The following TENM4 variants were observed in gnomAD, a reference collection of about 807,000 sequenced individuals.
TENM4 encodes teneurin transmembrane protein 4, also known as teneurin-4.
Under a neutral mutation model 243.3 loss-of-function variants are expected in TENM4, and 82 were observed. The observed-to-expected ratio is 0.34, with a 90% CI of 0.28 to 0.40. The LOEUF is 0.40. Among genes scored for constraint, TENM4 ranks in the 10% least tolerant of loss-of-function variants. The pLI, the probability that TENM4 is intolerant of heterozygous loss-of-function variation, is 1.00. For missense variants in TENM4, 3,138 were observed against 3,673.3 expected (o/e 0.85, Z 3.77); for synonymous variants, 1,412 against 1,456.3 (o/e 0.97, Z 0.69).
In TENM4 at chr11:78,805,282, C is replaced by CCCCCCCCCAACCCCCCCCCCCCCTTT; in HGVS notation, c.2179+9_2179+10insAAAGGGGGGGGGGGGGTTGGGGGGGG. 1 of 995,568 alleles carries CCCCCCCCCAACCCCCCCCCCCCCTTT rather than the reference C, an allele frequency of 1.0e-6. No homozygotes were observed. The highest frequency in any genetic ancestry group is 3.2e-5 in the South Asian group (1 of 30,968). 61.7% of individuals were successfully genotyped at this position (995,568 alleles called of 1,614,324 possible). ...CCCTCTACCCATGCTTCTTCTCCCC[C>CCCCCCCCCAACCCCCCCCCCCCCTTT]TGCATTTACCGATAGAACAGTCGTG... On this transcript the variant is annotated intron_variant, in intron 15 of 33. Coordinates refer to ENST00000278550, the MANE Select transcript of TENM4 (RefSeq NM_001098816.3).
At chr11:78,967,554 C>T (rs1376216573) in intron 6 of TENM4, among the ~76,000 whole-genome samples, 1 of 152,184 alleles carries the variant, frequency 6.6e-6, no homozygotes, top group African/African-American at 2.4e-5. Flanking sequence ...GATCTCCTTT[C>T]TAATTGGCTC....
intron 6 of TENM4, among the ~76,000 whole-genome samples, chr11:78,924,168 T>C (rs558408193): frequency 6.6e-6 from 1 of 152,354 alleles, no homozygotes; most frequent in South Asian, 2.1e-4. Flanking sequence ...TCTTTGTTTT[T>C]AATACTGAGC....
intron 1 of TENM4, among the ~76,000 whole-genome samples, chr11:79,357,940 G>A (rs1013686985): frequency 1.3e-5 from 2 of 152,152 alleles, no homozygotes; most frequent in East Asian, 1.9e-4. Flanking sequence ...CAGCTCAAGT[G>A]TATCACTATG....
intron 2 of TENM4, among the ~76,000 whole-genome samples, chr11:79,231,805 G>A (rs1864378672): frequency 6.6e-6 from 1 of 152,182 alleles, no homozygotes; most frequent in Non-Finnish European, 1.5e-5. Flanking sequence ...GGGGCCAGGC[G>A]TGATGGCTCA....
Position 79,393,816 on chromosome 11 carries a change from C to T in TENM4, c.-321+46693G>A, listed in dbSNP as rs181642505. 4.4e-3 allele frequency among the ~76,000 whole-genome samples: 663 copies of T among 152,264 alleles called. 3 individuals are homozygous for T. The highest frequency in any genetic ancestry group is 0.015 in the African/African-American group (626 of 41,548). On this transcript the variant is annotated intron_variant, in intron 1 of 33. Coordinates refer to ENST00000278550, the MANE Select transcript of TENM4 (RefSeq NM_001098816.3). ...AGGATGCAGTGCGTGCTACAGTCAGCAGGAGTCTGGACTTTGCCCTGGGGC... is the reference window on the plus strand; with the variant it reads ...AGGATGCAGTGCGTGCTACAGTCAGTAGGAGTCTGGACTTTGCCCTGGGGC...
chr11:79,290,974 T>G (rs1856346714), intron 2 of TENM4, among the ~76,000 whole-genome samples: 1 of 152,084 alleles, frequency 6.6e-6, no homozygotes, highest in Middle Eastern at 3.2e-3. Context: ...AGGCAGGCAA[T>G]GAAGCATGCT....
chr11:78,811,758 C>G (rs1159046029), intron 14 of TENM4, among the ~76,000 whole-genome samples: 5 of 152,232 alleles, frequency 3.3e-5, no homozygotes, highest in Non-Finnish European at 5.9e-5. Context: ...CTGCTGTCTA[C>G]TAGCCATGTG....
chr11:79,052,270 AC>A (rs1434761130), intron 6 of TENM4, among the ~76,000 whole-genome samples: 1 of 152,194 alleles, frequency 6.6e-6, no homozygotes, highest in Non-Finnish European at 1.5e-5. Flanking sequence ...TTCTCTGTAA[AC>A]TTGCCAGCAT....
intron 1 of TENM4, among the ~76,000 whole-genome samples, chr11:79,349,322 A>C (rs904542371): frequency 6.6e-6 from 1 of 152,228 alleles, no homozygotes; most frequent in Middle Eastern, 3.2e-3. Context: ...CCAAATAGAA[A>C]AAAAAGATTT....
intron 33 of TENM4, among the ~76,000 whole-genome samples, chr11:78,660,568 A>G (rs2096383192): frequency 6.6e-6 from 1 of 152,162 alleles, no homozygotes; most frequent in Non-Finnish European, 1.5e-5. Flanking sequence ...TGGAGTAAGA[A>G]ATATGGATAT....
rs1176918536 is a variant in TENM4 at position 78,654,061 on chromosome 11, T to C, written c.*3997A>G. 1 of 152,214 alleles carries C rather than the reference T, an allele frequency of 6.6e-6. No individual in the cohort carries two copies. The highest frequency in any genetic ancestry group is 1.9e-4 in the East Asian group (1 of 5,198). 9.4% of individuals were successfully genotyped at this position (152,214 alleles called of 1,614,324 possible). On this transcript the variant is annotated 3_prime_UTR_variant, in exon 34 of 34. Coordinates refer to ENST00000278550, the MANE Select transcript of TENM4 (RefSeq NM_001098816.3). ...TTTAATTCCCTTTCCTCCAGTAAAA[T>C]ATAGACAAGTGTATAAACCTAGCTG... is the stretch of plus-strand genomic sequence containing the variant.
At chr11:78,964,484 T>C (rs917768463) in intron 6 of TENM4, among the ~76,000 whole-genome samples, 5 of 152,158 alleles carry the variant, frequency 3.3e-5, no homozygotes, top group Admixed American at 3.3e-4. Flanking sequence ...ATGACCAAGG[T>C]ACAACCTCTG....
intron 3 of TENM4, among the ~76,000 whole-genome samples, chr11:79,204,779 A>G (rs989219755): frequency 3.3e-5 from 5 of 152,200 alleles, no homozygotes. Context: ...ACAAGAGGAT[A>G]TCAGCAAAAA....
intron 4 of TENM4, among the ~76,000 whole-genome samples, chr11:79,119,388 T>C (rs1861691172): frequency 6.6e-6 from 1 of 151,112 alleles, no homozygotes; most frequent in African/African-American, 2.4e-5. Flanking sequence ...CTTGTTGTTA[T>C]AAAAATCATT....
At chr11:78,921,326 A>G (rs781428710) in intron 6 of TENM4, among the ~76,000 whole-genome samples, 2 of 152,200 alleles carry the variant, frequency 1.3e-5, no homozygotes, top group South Asian at 2.1e-4. Flanking sequence ...CTGGAGAGGG[A>G]GTGCCACGGC....
At chr11:79,155,584 T>C (rs1053566137) in intron 3 of TENM4, among the ~76,000 whole-genome samples, 2 of 152,026 alleles carry the variant, frequency 1.3e-5, no homozygotes, top group African/African-American at 2.4e-5. Context: ...TTGATGTTTG[T>C]TTCCAAGTAG....
chr11:78,925,184 G>A (rs767286432), intron 6 of TENM4, among the ~76,000 whole-genome samples: 4 of 152,038 alleles, frequency 2.6e-5, no homozygotes, highest in Non-Finnish European at 4.4e-5. Flanking sequence ...AGCAAAGAGC[G>A]TCAACTGAGA....
intron 4 of TENM4, among the ~76,000 whole-genome samples, chr11:79,108,146 A>G (rs1031663209): frequency 9.2e-5 from 14 of 152,346 alleles, no homozygotes; most frequent in Admixed American, 2.0e-4. Flanking sequence ...TTTTGTGTCA[A>G]TGTGGCCAGG....
At chr11:78,736,481 C>T (rs202234748) in intron 20 of TENM4, among the ~76,000 whole-genome samples, 24 of 119,798 alleles carry the variant, frequency 2.0e-4, no homozygotes, top group South Asian at 2.0e-3. Context: ...TGTGTGTGTG[C>T]GCGCGCGTGC....
Sources: gnomAD v4.1 joint callset for allele counts (sites outside exome capture counted in the v4.1 genomes callset) on GRCh38, gnomAD v4.1.1 for gene constraint, MANE v1.5 for transcripts, NCBI Gene and HGNC (gene_info 2026-07-23, HGNC 2026-07-21) for gene names.